Variants in BAZ1B observed in about 807,000 individuals in gnomAD.
The protein encoded by BAZ1B is tyrosine-protein kinase BAZ1B.
BAZ1B carries 22 observed loss-of-function variants against 153.8 expected under a neutral mutation model. The ratio of observed to expected loss-of-function variants is 0.14; its 90% CI spans 0.10 to 0.20. BAZ1B has a LOEUF of 0.20. BAZ1B is among the 10% of genes least tolerant of loss of function. BAZ1B has a pLI of 1.00. For missense variants in BAZ1B, 1,325 were observed against 1,799.3 expected, an observed-to-expected ratio of 0.74 and a Z score of 4.77; for synonymous variants, 676 against 633.4, an observed-to-expected ratio of 1.07 and a Z score of -1.01.
At chr7:73,513,822 A>C (rs981680193) in intron 1 of BAZ1B, among the ~76,000 whole-genome samples, 9 of 152,114 alleles carry the variant, frequency 5.9e-5, no homozygotes, top group African/African-American at 2.2e-4. Flanking sequence ...TCTTGAGCCC[A>C]GGGGTTCAAA....
chr7:73,489,594 T>G (rs1349465825), intron 5 of BAZ1B, among the ~76,000 whole-genome samples: 1 of 152,200 alleles, frequency 6.6e-6, no homozygotes, highest in Non-Finnish European at 1.5e-5. Context: ...GTATAAAGAT[T>G]GTTTGAGGCC....
At position 73,444,140 on chromosome 7, in the gene BAZ1B, A is replaced by T. The variant is rs568164787; in HGVS notation, c.3845-11T>A. On this transcript the variant is annotated splice_polypyrimidine_tract_variant and intron_variant, in intron 16 of 19. Coordinates refer to ENST00000339594, the MANE Select transcript of BAZ1B (RefSeq NM_032408.4). ...TCTTTCGAGGTCTCACTGAAAGAAA[A>T]ACTATGGATTCAGCAGAGAACAACG... 3.2e-6 allele frequency: 5 copies of T among 1,586,500 alleles called. No homozygotes were observed. In the African/African-American group the frequency reaches 6.8e-5, roughly 22 times the overall value.
At chr7:73,487,872 A>G (rs562102486) in intron 6 of BAZ1B, among the ~76,000 whole-genome samples, 1 of 152,376 alleles carries the variant, frequency 6.6e-6, no homozygotes, top group East Asian at 1.9e-4. Context: ...TTTAAAGAGC[A>G]TAACAGAAGA....
intron 3 of BAZ1B, among the ~76,000 whole-genome samples, chr7:73,505,151 G>C (rs1380521080): frequency 6.6e-6 from 1 of 152,094 alleles, no homozygotes; most frequent in Non-Finnish European, 1.5e-5. Context: ...GTAAGCCAAG[G>C]TCTAGCCAAT....
At chr7:73,497,083 A>AAAAAAAAAAAAAAAAAAAC (rs1789938059) in intron 4 of BAZ1B, among the ~76,000 whole-genome samples, 1 of 149,912 alleles carries the variant, frequency 6.7e-6, no homozygotes, top group Non-Finnish European at 1.5e-5. Flanking sequence ...AAAAAAAAAA[A>AAAAAAAAAAAAAAAAAAAC]CCTACAAAAA....
intron 9 of BAZ1B, among the ~76,000 whole-genome samples, chr7:73,468,877 C>G (rs1788692113): frequency 6.6e-6 from 1 of 151,990 alleles, no homozygotes; most frequent in Non-Finnish European, 1.5e-5. Context: ...ACTTGTAATC[C>G]CCAGCACTTT....
intron 4 of BAZ1B, among the ~76,000 whole-genome samples, chr7:73,497,612 C>G (rs1363989419): frequency 6.8e-6 from 1 of 148,068 alleles, no homozygotes; most frequent in Non-Finnish European, 1.5e-5. Context: ...CTCAGTTCGT[C>G]TCTGAGTTTC....
At position 73,521,836 on chromosome 7, in the gene BAZ1B, C is replaced by T. The variant is rs1791064429; in HGVS notation, c.98G>A (p.Arg33His). 6.7e-7 allele frequency: 1 copy of T among 1,499,082 alleles called. No individual in the cohort carries two copies. The highest frequency in any genetic ancestry group is 1.7e-4 in the Middle Eastern group (1 of 5,770). 92.9% of individuals were successfully genotyped at this position (1,499,082 alleles called of 1,614,324 possible). Residue 33 changes from arginine to histidine, a missense_variant, in exon 1 of 20, where the codon CGC (arginine) becomes CAC (histidine). Physicochemically the swap from Arg to His is conservative, Grantham distance 29. This residue lies in a region of BAZ1B where 61 missense variants were observed against 61.5 expected (regional missense o/e 0.99). Transcript: ENST00000339594. ...FTIPHTQEAF[R>H]TREEYEARLE... ...GGCTGGAAAAGGATACTCCCGGGTGCGGAAGGCCTCCTGAGTGTGCGGGAT... is the reference window on the plus strand; with the variant it reads ...GGCTGGAAAAGGATACTCCCGGGTGTGGAAGGCCTCCTGAGTGTGCGGGAT...
At chr7:73,475,304 A>G (rs1366922401) in intron 7 of BAZ1B, among the ~76,000 whole-genome samples, 1 of 152,236 alleles carries the variant, frequency 6.6e-6, no homozygotes, top group African/African-American at 2.4e-5. Context: ...CATAATAGGT[A>G]AAAGATGAAA....
intron 15 of BAZ1B, among the ~76,000 whole-genome samples, chr7:73,448,415 C>T (rs1399038943): frequency 7.2e-5 from 11 of 152,194 alleles, no homozygotes; most frequent in Non-Finnish European, 2.9e-5. Flanking sequence ...CTCCTCTTTA[C>T]AAGGCCCGGT....
intron 5 of BAZ1B, among the ~76,000 whole-genome samples, chr7:73,491,053 C>T (rs1262781627): frequency 6.6e-6 from 1 of 151,616 alleles, no homozygotes; most frequent in Non-Finnish European, 1.5e-5. Flanking sequence ...TTTGGGAAGC[C>T]GAGGCAGGCG....
At chr7:73,491,903 AT>A (rs2116387572) in intron 5 of BAZ1B, among the ~76,000 whole-genome samples, 1 of 151,576 alleles carries the variant, frequency 6.6e-6, no homozygotes, top group African/African-American at 2.4e-5. Context: ...CCTTTCTAAG[AT>A]TCTGCACATA....
chr7:73,473,211 T>A (rs1788879315), intron 7 of BAZ1B, among the ~76,000 whole-genome samples: 1 of 152,180 alleles, frequency 6.6e-6, no homozygotes, highest in African/African-American at 2.4e-5. Context: ...AAGTGTAGGA[T>A]TACAGGCTGT....
chr7:73,468,536 T>C (rs1788679191), intron 9 of BAZ1B, among the ~76,000 whole-genome samples: 1 of 152,192 alleles, frequency 6.6e-6, no homozygotes, highest in African/African-American at 2.4e-5. Context: ...TCTTGAAATA[T>C]ACTCAATACA....
chr7:73,497,313 G>A, intron 4 of BAZ1B, among the ~76,000 whole-genome samples: 1 of 152,084 alleles, frequency 6.6e-6, no homozygotes, highest in Admixed American at 6.6e-5. Flanking sequence ...CACATAAAAT[G>A]ACTGAGGTCA....
intron 1 of BAZ1B, among the ~76,000 whole-genome samples, chr7:73,515,455 A>G (rs1449273558): frequency 6.6e-6 from 1 of 151,266 alleles, no homozygotes. Flanking sequence ...GATGTCTTCT[A>G]GCTCTTTCTT....
At chr7:73,519,052 C>T (rs1330450383) in intron 1 of BAZ1B, among the ~76,000 whole-genome samples, 2 of 152,062 alleles carry the variant, frequency 1.3e-5, no homozygotes, top group African/African-American at 4.8e-5. Context: ...ATGTACCATA[C>T]AAAGCTACAG....
At chr7:73,443,420 A>G (rs1158533717) in intron 17 of BAZ1B, among the ~76,000 whole-genome samples, 1 of 152,208 alleles carries the variant, frequency 6.6e-6, no homozygotes, top group Admixed American at 6.5e-5. Flanking sequence ...ACAGAGCCCA[A>G]GGCTGTGGCA....
At chr7:73,470,287 T>G in intron 8 of BAZ1B, 58 bp downstream of exon 8, 5 of 1,496,350 alleles carry the variant, frequency 3.3e-6, no homozygotes, top group Non-Finnish European at 3.6e-6. Context: ...AAAATTTTCC[T>G]AACTAATAGC....
Sources: gnomAD v4.1 joint callset for allele counts (sites outside exome capture counted in the v4.1 genomes callset) on GRCh38, gnomAD v4.1.1 for gene constraint, gnomAD v4.1.1 regional missense constraint, MANE v1.5 for transcripts, NCBI Gene and HGNC (gene_info 2026-07-23, HGNC 2026-07-21) for gene names.